Variants in SHOC2 observed in about 807,000 individuals in gnomAD.
The protein encoded by SHOC2 is leucine-rich repeat protein SHOC-2.
SHOC2 carries 4 observed loss-of-function variants against 50.2 expected under a neutral mutation model. The observed-to-expected ratio is 0.08, with a 90% CI of 0.04 to 0.18. The LOEUF (loss-of-function observed/expected upper bound fraction) is 0.18, where lower values mean the gene tolerates loss of function less well. Ranked by LOEUF, SHOC2 falls within the 10% of genes least tolerant of loss-of-function variation. SHOC2 has a pLI of 1.00. For missense variants in SHOC2, 388 were observed against 669.6 expected (o/e 0.58, Z 4.64); for synonymous variants, 218 against 244.5 (o/e 0.89, Z 1.01).
rs147007474 is a variant in SHOC2, at chr10:111,007,665, T to C, written c.1284+12T>C. On this transcript the variant is annotated intron_variant, in intron 6 of 8. Coordinates refer to ENST00000369452, the MANE Select transcript of SHOC2 (RefSeq NM_007373.4). ...TCGTTTCTCTTGAGGTTAGTATAAA[T>C]GAGCAATTAGAGAACTTCAGAACCT... The C allele has an allele frequency of 6.2e-7, 1 of 1,613,232 alleles. No homozygotes were observed. Among genetic ancestry groups the C allele is most frequent in the African/African-American group, 1.3e-5 (1 of 75,016 alleles).
intron 2 of SHOC2, among the ~76,000 whole-genome samples, chr10:110,976,383 C>A (rs1395599003): frequency 6.6e-6 from 1 of 151,250 alleles, no homozygotes; most frequent in Non-Finnish European, 1.5e-5. Flanking sequence ...GTGATTATGG[C>A]TCACTGCAGC....
rs201644470 is a variant in SHOC2 at position 111,000,556 on chromosome 10, G to T, written c.972+11G>T. 13 of 1,606,664 alleles carry T rather than the reference G, an allele frequency of 8.1e-6. No homozygotes were observed. The African/African-American group carries it at 9.3e-5, about 12-fold the overall frequency. On this transcript the variant is annotated intron_variant, in intron 4 of 8. Transcript: ENST00000369452. ...TCTACTTTACCAGAGGTAAGAAGTG[G>T]ATTAGAGAAAACAAGATTTGAAATG...
chr10:110,976,885 T>C (rs1019903810), intron 2 of SHOC2, among the ~76,000 whole-genome samples: 4 of 152,214 alleles, frequency 2.6e-5, no homozygotes, highest in Non-Finnish European at 2.9e-5. Flanking sequence ...GAGTCTCTTA[T>C]TACATGTATA....
Position 110,945,162 on chromosome 10 carries a change from T to G in SHOC2, c.-234-18963T>G, listed in dbSNP as rs564121721. On this transcript the variant is annotated intron_variant, in intron 1 of 8. Coordinates refer to ENST00000369452, the MANE Select transcript of SHOC2 (RefSeq NM_007373.4). ...CAAGTAGATATGGTATAAAACACTT[T>G]CCTGTAATTTTTTTCAATGAATATC... 3.0e-4 allele frequency among the ~76,000 whole-genome samples: 45 copies of G among 152,340 alleles called. No homozygotes were observed. In the South Asian group the frequency reaches 9.3e-3, roughly 32 times the overall value.
At chr10:110,973,529 CA>C in intron 2 of SHOC2, among the ~76,000 whole-genome samples, 1 of 152,096 alleles carries the variant, frequency 6.6e-6, no homozygotes, top group East Asian at 1.9e-4. Flanking sequence ...GGTTTGGTAT[CA>C]GGGTAATACT....
chr10:110,959,704 G>C (rs890744504), intron 1 of SHOC2, among the ~76,000 whole-genome samples: 1 of 152,204 alleles, frequency 6.6e-6, no homozygotes, highest in Non-Finnish European at 1.5e-5. Context: ...CTCGCCAGAT[G>C]ATTCTTGCTG....
chr10:110,949,631 A>G (rs1431439950), intron 1 of SHOC2, among the ~76,000 whole-genome samples: 1 of 151,500 alleles, frequency 6.6e-6, no homozygotes, highest in African/African-American at 2.4e-5. Context: ...CACTAAAAGA[A>G]AAAAAAAATA....
intron 1 of SHOC2, among the ~76,000 whole-genome samples, chr10:110,941,860 TTTC>T (rs1194790645): frequency 6.6e-6 from 1 of 152,224 alleles, no homozygotes; most frequent in African/African-American, 2.4e-5. Flanking sequence ...TCTTGTATGT[TTTC>T]TTCTCAGAAT....
intron 3 of SHOC2, among the ~76,000 whole-genome samples, chr10:110,993,938 T>C (rs1848225920): frequency 6.6e-6 from 1 of 152,186 alleles, no homozygotes; most frequent in Non-Finnish European, 1.5e-5. Context: ...GCATGTCAGT[T>C]GATGGAGTAA....
intron 1 of SHOC2, among the ~76,000 whole-genome samples, chr10:110,927,650 C>T (rs1846803218): frequency 6.6e-6 from 1 of 152,158 alleles, no homozygotes; most frequent in African/African-American, 2.4e-5. Flanking sequence ...TTTTCCCCAC[C>T]TCCTGTTATA....
At chr10:110,937,256 C>A in intron 1 of SHOC2, 1 of 926,436 alleles carries the variant, frequency 1.1e-6, no homozygotes. Flanking sequence ...CTTGGGAAAG[C>A]TGCTTTTTTT....
At chr10:110,931,538 A>C (rs758049365) in intron 1 of SHOC2, among the ~76,000 whole-genome samples, 1 of 152,162 alleles carries the variant, frequency 6.6e-6, no homozygotes, top group Non-Finnish European at 1.5e-5. Flanking sequence ...ATCTTAATAA[A>C]TAATGGGAAA....
intron 1 of SHOC2, among the ~76,000 whole-genome samples, chr10:110,929,607 G>A (rs962801916): frequency 1.3e-5 from 2 of 152,188 alleles, no homozygotes; most frequent in Admixed American, 6.5e-5. Flanking sequence ...TTTCTGTTCA[G>A]GGCGAATGAA....
intron 1 of SHOC2, among the ~76,000 whole-genome samples, chr10:110,952,727 G>A (rs756197933): frequency 3.3e-5 from 5 of 151,972 alleles, no homozygotes; most frequent in South Asian, 2.1e-4. Context: ...CCCGCACCTC[G>A]CAAAAGGCCC....
At chr10:110,975,378 G>A (rs1476816156) in intron 2 of SHOC2, among the ~76,000 whole-genome samples, 2 of 152,016 alleles carry the variant, frequency 1.3e-5, no homozygotes, top group African/African-American at 4.8e-5. Context: ...TCCTGACCTC[G>A]TGATCTGCCT....
chr10:110,979,710 C>T (rs527716736), intron 2 of SHOC2, among the ~76,000 whole-genome samples: 94 of 152,262 alleles, frequency 6.2e-4, no homozygotes, highest in Non-Finnish European at 7.5e-4. Flanking sequence ...CATCTTTTTC[C>T]CCCATAGTTA....
At chr10:110,944,371 T>C (rs1847208178) in intron 1 of SHOC2, among the ~76,000 whole-genome samples, 1 of 123,142 alleles carries the variant, frequency 8.1e-6, no homozygotes, top group Non-Finnish European at 1.7e-5. Context: ...ATGAAAAGTA[T>C]GTATCTTTGA....
At chr10:110,956,608 A>G (rs574961851) in intron 1 of SHOC2, among the ~76,000 whole-genome samples, 1 of 152,324 alleles carries the variant, frequency 6.6e-6, no homozygotes, top group South Asian at 2.1e-4. Context: ...GTGGAATAAA[A>G]AGTTTAAGAC....
chr10:110,937,060 G>T, intron 1 of SHOC2: 4 of 1,489,280 alleles, frequency 2.7e-6, no homozygotes, highest in Non-Finnish European at 3.7e-6. Flanking sequence ...TCCGCTTGCG[G>T]AGGAAAGCCA....
Sources: allele counts gnomAD v4.1 joint callset (sites outside exome capture counted in the v4.1 genomes callset), GRCh38; gene constraint gnomAD v4.1.1; transcripts MANE v1.5; gene names NCBI Gene and HGNC (gene_info 2026-07-23, HGNC 2026-07-21).